SUZ12: variants seen among roughly 807,000 people sequenced by gnomAD.
SUZ12 encodes SUZ12 polycomb repressive complex 2 subunit.
In SUZ12, 17 loss-of-function variants were observed where a neutral mutation model predicts 87.3. That is an observed-to-expected ratio of 0.19 (90% CI 0.13 to 0.29). SUZ12 has a LOEUF of 0.29. Ranked by LOEUF, SUZ12 falls within the 10% of genes least tolerant of loss-of-function variation. The probability of loss-of-function intolerance (pLI) is 1.00; values close to 1 mark genes in which losing one functional copy is unlikely to be tolerated. For synonymous variants in SUZ12, 253 were observed against 312.4 expected (o/e 0.81, Z 2.01); for missense variants, 526 against 912.2 (o/e 0.58, Z 5.45).
chr17:31,995,869 A>AAG lies in SUZ12; in HGVS notation c.1794+108_1794+109insGA, dbSNP rs1408627554. The AAG allele has an allele frequency of 6.6e-5, 56 of 850,740 alleles. No homozygotes were observed. In the African/African-American group the frequency reaches 9.6e-4, roughly 15 times the overall value. 52.7% of individuals were successfully genotyped at this position (850,740 alleles called of 1,614,324 possible). ...TTGTAAAGGAACTTTTTTTAAAAAA[A>AAG]AAAAAAGGAATCCGGAAATGTACAG... is the stretch of plus-strand genomic sequence containing the variant. On this transcript the variant is annotated intron_variant, in intron 14 of 15. Transcript: ENST00000322652.
chr17:31,984,096 G>T (rs767486927), intron 9 of SUZ12, among the ~76,000 whole-genome samples: 25 of 152,154 alleles, frequency 1.6e-4, no homozygotes, highest in Non-Finnish European at 2.6e-4. Context: ...AATATTTTGA[G>T]AATTTTTACT....
intron 4 of SUZ12, among the ~76,000 whole-genome samples, chr17:31,949,426 T>C (rs1337394401): frequency 1.3e-5 from 2 of 152,146 alleles, no homozygotes; most frequent in African/African-American, 2.4e-5. Flanking sequence ...TTCTTATGAA[T>C]GTCTCAGTAT....
intron 9 of SUZ12, among the ~76,000 whole-genome samples, chr17:31,986,842 G>T (rs1307901996): frequency 6.6e-6 from 1 of 152,136 alleles, no homozygotes; most frequent in African/African-American, 2.4e-5. Flanking sequence ...GTGCCATTGC[G>T]CCCGGTCCTC....
intron 9 of SUZ12, among the ~76,000 whole-genome samples, chr17:31,987,561 CA>C (rs918380218): frequency 4.1e-5 from 6 of 147,646 alleles, no homozygotes; most frequent in South Asian, 2.1e-4. Context: ...GTTCAATTTA[CA>C]AAAAAAAAAG....
At chr17:31,982,699 T>C (rs1306955673) in intron 8 of SUZ12, among the ~76,000 whole-genome samples, 1 of 152,172 alleles carries the variant, frequency 6.6e-6, no homozygotes, top group South Asian at 2.1e-4. Context: ...GTACTTACGC[T>C]TTATATTTAA....
intron 8 of SUZ12, among the ~76,000 whole-genome samples, chr17:31,979,407 A>T (rs1173142725): frequency 6.6e-6 from 1 of 152,190 alleles, no homozygotes; most frequent in Non-Finnish European, 1.5e-5. Flanking sequence ...AGTTGACCTC[A>T]ATAATGTCCT....
At chr17:31,969,587 G>A (rs998198266) in intron 5 of SUZ12, among the ~76,000 whole-genome samples, 8 of 152,046 alleles carry the variant, frequency 5.3e-5, no homozygotes, top group Non-Finnish European at 1.0e-4. Flanking sequence ...GAGCCACCAC[G>A]CCTATGTTGA....
rs79908210 is a variant in SUZ12 at position 31,994,122 on chromosome 17, G to A, written c.1437+114G>A. 4.4e-4 allele frequency: 430 copies of A among 975,516 alleles called. 7 individuals carry two copies. In the East Asian group the frequency reaches 0.011, roughly 26 times the overall value. The allele number at this position is 975,516 out of a possible 1,614,324, so 60.4% of individuals were successfully genotyped here. On this transcript the variant is annotated intron_variant, in intron 12 of 15. Coordinates refer to ENST00000322652, the MANE Select transcript of SUZ12 (RefSeq NM_015355.4). The stretch of plus-strand genomic sequence containing the variant: ...TTAAATTAAAAAAGGGAAAAAATAT[G>A]CATTAAGTACAAGATAGCATGACTT...
At chr17:31,967,130 C>T (rs1274776498) in intron 5 of SUZ12, 1 of 149,796 alleles carries the variant, frequency 6.7e-6, no homozygotes, top group Non-Finnish European at 1.5e-5. Context: ...ACCTGAGAGT[C>T]GGAGGTTGCA....
intron 10 of SUZ12, 81 bp downstream of exon 10, chr17:31,988,578 T>G: frequency 2.9e-6 from 4 of 1,372,408 alleles, no homozygotes; most frequent in Non-Finnish European, 3.9e-6. Flanking sequence ...TCATTTGTGT[T>G]TTGCTTTATG....
chr17:31,970,284 C>G (rs1908344767), intron 5 of SUZ12, among the ~76,000 whole-genome samples: 1 of 152,076 alleles, frequency 6.6e-6, no homozygotes, highest in Non-Finnish European at 1.5e-5. Context: ...AGAAACTGAT[C>G]AAATGTGTTT....
intron 4 of SUZ12, among the ~76,000 whole-genome samples, chr17:31,954,987 G>A (rs1166892173): frequency 6.6e-6 from 1 of 152,168 alleles, no homozygotes; most frequent in Non-Finnish European, 1.5e-5. Context: ...CGTTCTTTTT[G>A]TTGTTGTTGT....
intron 9 of SUZ12, among the ~76,000 whole-genome samples, chr17:31,986,936 G>A (rs1909451904): frequency 6.6e-6 from 1 of 152,162 alleles, no homozygotes; most frequent in Non-Finnish European, 1.5e-5. Context: ...ATAAATTGAA[G>A]CTCATTGAAG....
intron 4 of SUZ12, among the ~76,000 whole-genome samples, chr17:31,961,846 G>C (rs55634281): frequency 7.1e-6 from 1 of 140,230 alleles, no homozygotes; most frequent in East Asian, 2.0e-4. Context: ...TCTCAGAAAA[G>C]TAATGTAAAT....
At chr17:31,978,673 T>C (rs908864520) in intron 8 of SUZ12, among the ~76,000 whole-genome samples, 5 of 152,218 alleles carry the variant, frequency 3.3e-5, no homozygotes, top group African/African-American at 1.2e-4. Flanking sequence ...TTAGGCAGCA[T>C]GGGGTATGTT....
At chr17:31,991,703 C>T (rs983201422) in intron 10 of SUZ12, among the ~76,000 whole-genome samples, 14 of 151,906 alleles carry the variant, frequency 9.2e-5, no homozygotes, top group African/African-American at 3.4e-4. Context: ...CTCCCGGGTT[C>T]AAGCAATTCT....
intron 5 of SUZ12, among the ~76,000 whole-genome samples, chr17:31,969,611 ATTT>A (rs1235966854): frequency 1.3e-5 from 2 of 152,126 alleles, no homozygotes; most frequent in Non-Finnish European, 2.9e-5. Flanking sequence ...TAACTATTCT[ATTT>A]TAACTTTGAA....
At chr17:31,983,234 G>GT (rs1909212565) in intron 9 of SUZ12, 130 bp downstream of exon 9, 1 of 638,314 alleles carries the variant, frequency 1.6e-6, no homozygotes, top group Non-Finnish European at 2.6e-6. Context: ...AAAAACACAA[G>GT]TAAATGATCT....
chr17:31,938,425 C>A (rs1906069160), intron 1 of SUZ12, among the ~76,000 whole-genome samples: 1 of 152,188 alleles, frequency 6.6e-6, no homozygotes, highest in Admixed American at 6.5e-5. Flanking sequence ...TTTACAGTTT[C>A]ACTGTGGCAT....
Sources: allele counts gnomAD v4.1 joint callset (sites outside exome capture counted in the v4.1 genomes callset), GRCh38; gene constraint gnomAD v4.1.1; transcripts MANE v1.5; gene names NCBI Gene and HGNC (gene_info 2026-07-23, HGNC 2026-07-21).